Variants in KHDRBS2 observed in about 807,000 individuals in gnomAD.
KHDRBS2 encodes the protein KH RNA binding domain containing, signal transduction associated 2.
A neutral mutation model predicts 44.3 loss-of-function variants in KHDRBS2; 26 were observed. That is an observed-to-expected ratio of 0.59 (90% CI 0.43 to 0.81). The LOEUF (loss-of-function observed/expected upper bound fraction) is 0.81. KHDRBS2 is among the 40% of genes least tolerant of loss of function. KHDRBS2 has a pLI of 0.00. For missense variants in KHDRBS2, 476 were observed against 433.1 expected (o/e 1.10, Z -0.88); for synonymous variants, 194 against 151.1 (o/e 1.28, Z -2.08).
At chr6:61,596,904 C>T in the KHDRBS2 span, among the ~76,000 whole-genome samples, 1 of 152,094 alleles carries the variant, frequency 6.6e-6, no homozygotes, top group Non-Finnish European at 1.5e-5. Context: ...CCTGCCTCAA[C>T]CTCCCAAAGT....
chr6:62,025,884 C>T (rs1313195565), intron 3 of KHDRBS2, among the ~76,000 whole-genome samples: 1 of 151,988 alleles, frequency 6.6e-6, no homozygotes, highest in Non-Finnish European at 1.5e-5. Flanking sequence ...ACTTTAATTA[C>T]ATCTAAAGGC....
chr6:62,062,490 A>G (rs1792229852), intron 2 of KHDRBS2, among the ~76,000 whole-genome samples: 2 of 152,036 alleles, frequency 1.3e-5, no homozygotes, highest in African/African-American at 4.8e-5. Flanking sequence ...AAAGCCGCTC[A>G]GCTACGTGGA....
At chr6:62,116,836 C>A (rs1038333379) in intron 2 of KHDRBS2, among the ~76,000 whole-genome samples, 2 of 152,062 alleles carry the variant, frequency 1.3e-5, no homozygotes, top group Non-Finnish European at 2.9e-5. Flanking sequence ...TATTTTTTGG[C>A]TCATGCATAT....
chr6:61,688,649 T>C (rs1002188646), intron 8 of KHDRBS2, among the ~76,000 whole-genome samples: 2 of 151,926 alleles, frequency 1.3e-5, no homozygotes, highest in African/African-American at 4.8e-5. Context: ...AAATGAGCCA[T>C]AGTTATAGCA....
At chr6:61,722,850 C>G (rs991523229) in intron 7 of KHDRBS2, among the ~76,000 whole-genome samples, 9 of 151,936 alleles carry the variant, frequency 5.9e-5, no homozygotes, top group Non-Finnish European at 1.3e-4. Flanking sequence ...GCTGGGACTA[C>G]AAGCGCCCAC....
chr6:61,954,249 G>T (rs1161675809), intron 4 of KHDRBS2, among the ~76,000 whole-genome samples: 2 of 151,782 alleles, frequency 1.3e-5, no homozygotes, highest in Non-Finnish European at 2.9e-5. Context: ...GAATGTGTGT[G>T]TCTCTGTGTG....
At chr6:61,598,825 CTTTTTTCTTTTCTTTTTTT>C in the KHDRBS2 span, among the ~76,000 whole-genome samples, 4 of 56,504 alleles carry the variant, frequency 7.1e-5, no homozygotes, top group Non-Finnish European at 1.0e-4. Flanking sequence ...GTAGAGTGTC[CTTTTTTCTTTTCTTTTTTT>C]TTTTTTTTTT....
intron 1 of KHDRBS2, among the ~76,000 whole-genome samples, chr6:62,259,376 C>T (rs143426466): frequency 6.6e-6 from 1 of 151,908 alleles, no homozygotes; most frequent in East Asian, 1.9e-4. Flanking sequence ...TATAGTATTT[C>T]ATGCAAAGGT....
intron 6 of KHDRBS2, among the ~76,000 whole-genome samples, chr6:61,796,164 T>G (rs1336593618): frequency 1.3e-5 from 2 of 152,120 alleles, no homozygotes; most frequent in East Asian, 3.9e-4. Flanking sequence ...GTAGTTTCAC[T>G]TATTGATTGA....
In KHDRBS2 at chr6:62,027,926, T is replaced by C. The variant is rs372545113; in HGVS notation, c.336+19952A>G. Among the ~76,000 whole-genome samples the C allele has an allele frequency of 9.2e-5, 14 of 152,242 alleles. 1 individual carries two copies. The highest frequency in any genetic ancestry group is 3.4e-4 in the African/African-American group (14 of 41,560). ...TGTTTTCCTGAGTTCTGTGAGCCAG[T>C]CTAGCAAATTAACAAACCCGAGGAA... On this transcript the variant is annotated intron_variant, in intron 3 of 8. Transcript: ENST00000281156.
chr6:62,067,308 A>C (rs1473018936), intron 2 of KHDRBS2, among the ~76,000 whole-genome samples: 1 of 151,634 alleles, frequency 6.6e-6, no homozygotes, highest in Non-Finnish European at 1.5e-5. Context: ...AAGGTACTAC[A>C]TATTTTAAAG....
chr6:61,643,112 A>G, the KHDRBS2 span, among the ~76,000 whole-genome samples: 2 of 150,108 alleles, frequency 1.3e-5, no homozygotes, highest in East Asian at 3.9e-4. Flanking sequence ...ATGTATATAC[A>G]TATACACACA....
At chr6:61,945,232 C>CATT (rs1310399759) in intron 4 of KHDRBS2, among the ~76,000 whole-genome samples, 1 of 141,626 alleles carries the variant, frequency 7.1e-6, no homozygotes, top group Non-Finnish European at 1.5e-5. Flanking sequence ...TCTCATTTAA[C>CATT]ATCTCAATAA....
the KHDRBS2 span, among the ~76,000 whole-genome samples, chr6:61,618,487 T>G: frequency 6.6e-6 from 1 of 152,226 alleles, no homozygotes. Flanking sequence ...TTATTTTAAG[T>G]TCAGGGGTAC....
intron 2 of KHDRBS2, among the ~76,000 whole-genome samples, chr6:62,103,977 C>T (rs1280079310): frequency 6.6e-6 from 1 of 151,614 alleles, no homozygotes; most frequent in African/African-American, 2.4e-5. Flanking sequence ...AAAGGATGAC[C>T]ATGGAAAAGA....
At chr6:61,665,618 T>A in the KHDRBS2 span, among the ~76,000 whole-genome samples, 1 of 151,460 alleles carries the variant, frequency 6.6e-6, no homozygotes. Context: ...TAAATAATGT[T>A]CTATTAAAGT....
At chr6:61,554,662 T>C in the KHDRBS2 span, among the ~76,000 whole-genome samples, 2 of 152,202 alleles carry the variant, frequency 1.3e-5, no homozygotes, top group South Asian at 4.1e-4. Context: ...TTCCTTTCCA[T>C]GTTTAGCCCT....
At chr6:61,810,526 T>G (rs569095055) in intron 6 of KHDRBS2, among the ~76,000 whole-genome samples, 71 of 152,242 alleles carry the variant, frequency 4.7e-4, no homozygotes, top group African/African-American at 1.6e-3. Context: ...AATGCTTTGT[T>G]ATTATAATGA....
the KHDRBS2 span, among the ~76,000 whole-genome samples, chr6:61,602,424 T>G: frequency 1.3e-5 from 2 of 152,080 alleles, no homozygotes; most frequent in African/African-American, 4.8e-5. Context: ...TAGCCCAGGA[T>G]TCCTCCTAAG....
Sources: gnomAD v4.1 joint callset for allele counts (sites outside exome capture counted in the v4.1 genomes callset) on GRCh38, gnomAD v4.1.1 for gene constraint, MANE v1.5 for transcripts, NCBI Gene and HGNC (gene_info 2026-07-23, HGNC 2026-07-21) for gene names.